CEP135: variants seen among roughly 807,000 people sequenced by gnomAD.
CEP135 encodes centrosomal protein of 135 kDa.
In CEP135, 142 loss-of-function variants were observed where a neutral mutation model predicts 157.3. The ratio of observed to expected loss-of-function variants is 0.90; its 90% CI spans 0.79 to 1.04. CEP135 has a LOEUF of 1.04. Ranked by LOEUF, CEP135 falls within the 50% of genes least tolerant of loss-of-function variation. CEP135 has a pLI of 0.00. For synonymous variants in CEP135, 396 were observed against 439.8 expected, an observed-to-expected ratio of 0.90 and a Z score of 1.25; for missense variants, 1,317 against 1,309.2, an observed-to-expected ratio of 1.01 and a Z score of -0.09.
At chr4:55,973,700 A>G (rs6838426) in intron 10 of CEP135, among the ~76,000 whole-genome samples, 1 of 151,736 alleles carries the variant, frequency 6.6e-6, no homozygotes, top group East Asian at 1.9e-4. Flanking sequence ...ACCCATTCCT[A>G]TGCAGCCACT....
intron 24 of CEP135, among the ~76,000 whole-genome samples, chr4:56,023,904 A>G (rs887220627): frequency 2.2e-5 from 3 of 139,094 alleles, no homozygotes; most frequent in African/African-American, 7.8e-5. Context: ...TATATAATAT[A>G]TATTATAAGT....
chr4:56,008,869 A>G (rs1730457661), intron 18 of CEP135, among the ~76,000 whole-genome samples: 1 of 152,192 alleles, frequency 6.6e-6, no homozygotes, highest in Non-Finnish European at 1.5e-5. Context: ...CATTTAATAA[A>G]TATTTGCCAA....
chr4:56,008,719 C>G (rs1241654866), intron 18 of CEP135, among the ~76,000 whole-genome samples: 1 of 152,146 alleles, frequency 6.6e-6, no homozygotes, highest in African/African-American at 2.4e-5. Flanking sequence ...CCATCTAAAC[C>G]TATCTTGAGC....
chr4:55,950,393 A>T lies in CEP135; in HGVS notation c.-46+1334A>T, dbSNP rs1036435763. Among the ~76,000 whole-genome samples, 5 of 152,222 alleles carry T rather than the reference A, an allele frequency of 3.3e-5. No homozygotes were observed. The East Asian group carries it at 7.7e-4, about 23-fold the overall frequency. ...ATGCATTTTTTATATATTGTGAAGA[A>T]CAACAGATGTAAAACAAAATTTTTA... On this transcript the variant is annotated intron_variant, in intron 1 of 25. Coordinates refer to ENST00000257287, the MANE Select transcript of CEP135 (RefSeq NM_025009.5).
At chr4:55,964,945 A>G (rs1728796614) in intron 7 of CEP135, 1 of 152,070 alleles carries the variant, frequency 6.6e-6, no homozygotes, top group Non-Finnish European at 1.5e-5. Context: ...AGAGCAGGAG[A>G]GTTCCATGCA....
intron 5 of CEP135, 51 bp downstream of exon 5, chr4:55,957,415 C>A: frequency 6.4e-7 from 1 of 1,560,296 alleles, no homozygotes; most frequent in South Asian, 1.2e-5. Flanking sequence ...ACTCAATTAG[C>A]TGTAAGTTTC....
intron 17 of CEP135, among the ~76,000 whole-genome samples, chr4:56,002,369 G>A (rs577070406): frequency 3.3e-5 from 5 of 152,094 alleles, no homozygotes; most frequent in South Asian, 4.2e-4. Flanking sequence ...TATTATGTTG[G>A]CCCTAGGGTT....
At chr4:56,023,460 T>G (rs1181784249) in intron 24 of CEP135, among the ~76,000 whole-genome samples, 7 of 151,798 alleles carry the variant, frequency 4.6e-5, no homozygotes, top group Non-Finnish European at 1.0e-4. Flanking sequence ...TTTTTAAGTA[T>G]AAAGAAGAAA....
intron 4 of CEP135, among the ~76,000 whole-genome samples, chr4:55,956,210 T>C (rs1728499287): frequency 6.6e-6 from 1 of 152,148 alleles, no homozygotes; most frequent in African/African-American, 2.4e-5. Flanking sequence ...CCTACCTCTG[T>C]AGGAGTATAC....
Position 55,969,111 on chromosome 4 carries a change from A to G in CEP135, c.1093A>G (p.Met365Val), listed in dbSNP as rs1728933490. Residue 365 changes from methionine (M) to valine (V), a missense_variant, in exon 9 of 26, where the codon ATG becomes GTG. Coordinates refer to ENST00000257287, the MANE Select transcript of CEP135 (RefSeq NM_025009.5). ...LSEMQDLEET[M>V]AKLQLELNLC... ...TGAAATGCAGGATCTTGAAGAAACA[A>G]TGGCAAAACTTCAGCTGGTAAGTTG... 2 of 1,612,678 alleles carry G rather than the reference A, an allele frequency of 1.2e-6. No homozygotes were observed. Among genetic ancestry groups the G allele is most frequent in the Admixed American group, 1.7e-5 (1 of 59,658 alleles).
At position 56,028,088 on chromosome 4, in the gene CEP135, T is replaced by C. The variant is rs895913682; in HGVS notation, c.*12-3272T>C. Among the ~76,000 whole-genome samples the C allele has an allele frequency of 4.6e-5, 7 of 152,348 alleles. No homozygotes were observed. The South Asian group carries it at 8.3e-4, about 18-fold the overall frequency. On this transcript the variant is annotated intron_variant, in intron 25 of 25. Transcript: ENST00000257287. Reference sequence around the variant, plus strand: ...TAATATTTTCCAGGTTCATCCATATTGTAGGATATACCACATTTAAAAAAT... The same window carrying C: ...TAATATTTTCCAGGTTCATCCATATCGTAGGATATACCACATTTAAAAAAT...
chr4:55,980,099 A>T, intron 11 of CEP135, 44 bp from the exon 12 acceptor site: 1 of 1,487,646 alleles, frequency 6.7e-7, no homozygotes. Context: ...CCTTGTGACA[A>T]CCATGTGGTG....
At chr4:55,995,785 A>G (rs1421018174) in intron 15 of CEP135, among the ~76,000 whole-genome samples, 1 of 152,190 alleles carries the variant, frequency 6.6e-6, no homozygotes, top group Non-Finnish European at 1.5e-5. Flanking sequence ...CAGCCCAGTT[A>G]GACAACTCAG....
At position 55,959,670 on chromosome 4, in the gene CEP135, A is replaced by G; in HGVS notation, c.615-12A>G. ...CAAAAGTGTATTGGCATTAATTTAA[A>G]GTGCTTTTCAGGATTCAAGAACTTC... On this transcript the variant is annotated splice_polypyrimidine_tract_variant and intron_variant, in intron 5 of 25. Transcript: ENST00000257287. 3 of 1,610,150 alleles carry G rather than the reference A, an allele frequency of 1.9e-6. No homozygotes were observed. Among genetic ancestry groups the G allele is most frequent in the South Asian group, 2.2e-5 (2 of 90,890 alleles).
chr4:55,965,034 T>C (rs1227630017), intron 7 of CEP135: 2 of 152,092 alleles, frequency 1.3e-5, no homozygotes, highest in Non-Finnish European at 2.9e-5. Context: ...GTAAAAAATA[T>C]CAACAGTAGC....
chr4:56,022,492 A>G (rs1731004130), intron 24 of CEP135, among the ~76,000 whole-genome samples: 1 of 152,198 alleles, frequency 6.6e-6, no homozygotes. Flanking sequence ...TTAAAATTTC[A>G]TGGGATGGAG....
At position 56,011,499 on chromosome 4, in the gene CEP135, T is replaced by G; in HGVS notation, c.2593T>G (p.Trp865Gly). ...VHKYITEVSRWESLMAAKEKE... is the reference protein window; with the variant it reads ...VHKYITEVSRGESLMAAKEKE... The stretch of plus-strand genomic sequence containing the variant: ...TAAATACATAACAGAGGTGTCACGA[T>G]GGGAGAGCTTAATGGCTGCCAAGGT... The change falls in exon 20 of 26, where the codon TGG becomes GGG. Residue 865 changes from tryptophan (W) to glycine (G), a missense_variant. Transcript: ENST00000257287. 1 of 1,608,814 alleles carries G rather than the reference T, an allele frequency of 6.2e-7. No individual in the cohort carries two copies. The highest frequency in any genetic ancestry group is 1.1e-5 in the South Asian group (1 of 89,416).
chr4:55,986,396 G>A (rs1054819597), intron 14 of CEP135, among the ~76,000 whole-genome samples: 1 of 152,058 alleles, frequency 6.6e-6, no homozygotes, highest in Non-Finnish European at 1.5e-5. Context: ...TTACAAATTG[G>A]CCAGGCATGG....
intron 10 of CEP135, among the ~76,000 whole-genome samples, chr4:55,973,041 GTTTATTT>G (rs1729079851): frequency 6.6e-6 from 1 of 151,976 alleles, no homozygotes; most frequent in Admixed American, 6.6e-5. Flanking sequence ...AAAAAAAAAA[GTTTATTT>G]TTCTTTTTGA....
Sources: allele counts gnomAD v4.1 joint callset (sites outside exome capture counted in the v4.1 genomes callset), GRCh38; gene constraint gnomAD v4.1.1; transcripts MANE v1.5; gene names NCBI Gene and HGNC (gene_info 2026-07-23, HGNC 2026-07-21).